The following SEMA6A variants were observed in gnomAD, a reference collection of about 807,000 sequenced individuals.
SEMA6A encodes semaphorin 6A, also known as semaphorin-6A.
SEMA6A carries 25 observed loss-of-function variants against 96.8 expected under a neutral mutation model. That is an observed-to-expected ratio of 0.26 (90% CI 0.19 to 0.36). The LOEUF is 0.36. Among genes scored for constraint, SEMA6A ranks in the 10% least tolerant of loss-of-function variants. The probability of loss-of-function intolerance (pLI) is 1.00; values close to 1 mark genes in which losing one functional copy is unlikely to be tolerated. For missense variants in SEMA6A, 1,363 were observed against 1,323.1 expected (o/e 1.03, Z -0.47); for synonymous variants, 612 against 518.0 (o/e 1.18, Z -2.46).
At chr5:116,541,822 G>A (rs1484864095) in intron 1 of SEMA6A, among the ~76,000 whole-genome samples, 1 of 152,132 alleles carries the variant, frequency 6.6e-6, no homozygotes, top group African/African-American at 2.4e-5. Flanking sequence ...GACAGAATGG[G>A]ACTCCATCTC....
chr5:116,515,023 G>A (rs913495328), intron 1 of SEMA6A, among the ~76,000 whole-genome samples: 1 of 152,180 alleles, frequency 6.6e-6, no homozygotes, highest in African/African-American at 2.4e-5. Flanking sequence ...ATGTAAGGTG[G>A]GATGACTGGC....
chr5:116,514,721 T>A (rs936279259), intron 1 of SEMA6A, among the ~76,000 whole-genome samples: 1 of 152,146 alleles, frequency 6.6e-6, no homozygotes, highest in Non-Finnish European at 1.5e-5. Context: ...TTCATTCACT[T>A]CTCCTTGGCT....
chr5:116,491,175 C>T (rs1453181111), intron 7 of SEMA6A, among the ~76,000 whole-genome samples: 1 of 152,086 alleles, frequency 6.6e-6, no homozygotes, highest in Non-Finnish European at 1.5e-5. Flanking sequence ...AGAGAGCTTC[C>T]AGAGGCTTCC....
intron 3 of SEMA6A, among the ~76,000 whole-genome samples, chr5:116,500,133 G>A (rs149292544): frequency 1.6e-4 from 25 of 152,318 alleles, no homozygotes; most frequent in African/African-American, 5.5e-4. Flanking sequence ...TTCTATCAGA[G>A]AGGTGACTAC....
At chr5:116,555,474 G>A (rs1313743432) in intron 1 of SEMA6A, among the ~76,000 whole-genome samples, 1 of 152,144 alleles carries the variant, frequency 6.6e-6, no homozygotes, top group East Asian at 1.9e-4. Flanking sequence ...AGTAGTTAAT[G>A]CCACATATAA....
chr5:116,489,091 T>A (rs1757206637), intron 7 of SEMA6A, 84 bp from the exon 8 acceptor site: 1 of 1,397,694 alleles, frequency 7.2e-7, no homozygotes, highest in Non-Finnish European at 9.4e-7. Flanking sequence ...CCTAGATTGC[T>A]TTCCAACATC....
intron 1 of SEMA6A, among the ~76,000 whole-genome samples, chr5:116,559,598 A>T (rs947527310): frequency 6.6e-6 from 1 of 152,156 alleles, no homozygotes; most frequent in African/African-American, 2.4e-5. Context: ...GACCAATACA[A>T]GAGCCTTGCA....
chr5:116,450,267 G>GT (rs144430125), intron 18 of SEMA6A, among the ~76,000 whole-genome samples: 3,617 of 152,204 alleles, frequency 0.024, 152 homozygotes, highest in African/African-American at 0.081. Context: ...TGTATTAGGT[G>GT]TTTTTTTCAT....
intron 1 of SEMA6A, among the ~76,000 whole-genome samples, chr5:116,539,257 A>G (rs1759859487): frequency 6.6e-6 from 1 of 152,164 alleles, no homozygotes; most frequent in African/African-American, 2.4e-5. Flanking sequence ...GTTGGAGGCA[A>G]TCCTGGTTTG....
chr5:116,524,773 C>CACACACACACACAG (rs1554090315), intron 1 of SEMA6A, among the ~76,000 whole-genome samples: 2,261 of 145,370 alleles, frequency 0.016, 41 homozygotes, highest in Middle Eastern at 0.045. Context: ...GGTATGTATA[C>CACACACACACACAG]ACACACACAC....
chr5:116,487,998 G>A lies in SEMA6A; in HGVS notation c.744+110C>T, dbSNP rs1423606718. On this transcript the variant is annotated intron_variant, in intron 9 of 18. Coordinates refer to ENST00000343348, the MANE Select transcript of SEMA6A (RefSeq NM_020796.5). ...AGATAGGGCCTCCAGACCGCACTCT[G>A]TTATTAGATTTATGGCTCTCATTTC... 9 of 675,564 alleles carry A rather than the reference G, an allele frequency of 1.3e-5. No homozygotes were observed. The East Asian group carries it at 2.0e-4, about 15-fold the overall frequency. 41.8% of individuals were successfully genotyped at this position (675,564 alleles called of 1,614,324 possible).
chr5:116,565,998 A>T (rs1761010773), intron 1 of SEMA6A, among the ~76,000 whole-genome samples: 3 of 150,748 alleles, frequency 2.0e-5, no homozygotes, highest in Non-Finnish European at 4.4e-5. Context: ...ACGAATCAGG[A>T]ATAGGAACAG....
intron 18 of SEMA6A, among the ~76,000 whole-genome samples, chr5:116,455,802 C>G (rs1754973746): frequency 6.6e-6 from 1 of 152,102 alleles, no homozygotes; most frequent in Non-Finnish European, 1.5e-5. Flanking sequence ...ACACTTTGAG[C>G]TCATAAAGAC....
At chr5:116,572,749 G>A (rs1189591656) in intron 1 of SEMA6A, among the ~76,000 whole-genome samples, 1 of 152,176 alleles carries the variant, frequency 6.6e-6, no homozygotes, top group African/African-American at 2.4e-5. Context: ...ACTCTCCAAA[G>A]GGCCGGGATC....
intron 18 of SEMA6A, among the ~76,000 whole-genome samples, chr5:116,456,308 A>G (rs1755008458): frequency 6.6e-6 from 1 of 152,216 alleles, no homozygotes; most frequent in African/African-American, 2.4e-5. Flanking sequence ...CCAGAACTCC[A>G]GATGATTCTT....
chr5:116,541,638 G>C (rs1001066706), intron 1 of SEMA6A, among the ~76,000 whole-genome samples: 1 of 152,122 alleles, frequency 6.6e-6, no homozygotes, highest in East Asian at 1.9e-4. Context: ...ATCGAGACCA[G>C]CCTGGCCAAC....
intron 1 of SEMA6A, among the ~76,000 whole-genome samples, chr5:116,512,113 A>C (rs1208286423): frequency 6.6e-6 from 1 of 152,204 alleles, no homozygotes; most frequent in Non-Finnish European, 1.5e-5. Context: ...TGACCTGGAC[A>C]GCTCTGTTTC....
chr5:116,551,321 C>CACACACACACAT (rs1173039700), intron 1 of SEMA6A, among the ~76,000 whole-genome samples: 1 of 132,042 alleles, frequency 7.6e-6, no homozygotes, highest in East Asian at 1.9e-4. Context: ...TTAGCATACA[C>CACACACACACAT]ACACACACAC....
chr5:116,491,200 CTTTCT>C (rs1046752551), intron 7 of SEMA6A, among the ~76,000 whole-genome samples: 10 of 152,082 alleles, frequency 6.6e-5, no homozygotes, highest in African/African-American at 2.4e-4. Context: ...GTTTCTTTCC[CTTTCT>C]TTTCTATATG....
Sources: gnomAD v4.1 joint callset for allele counts (sites outside exome capture counted in the v4.1 genomes callset) on GRCh38, gnomAD v4.1.1 for gene constraint, MANE v1.5 for transcripts, NCBI Gene and HGNC (gene_info 2026-07-23, HGNC 2026-07-21) for gene names.